The following NME7 variants were observed in gnomAD, a reference collection of about 807,000 sequenced individuals.
NME7 encodes NME/NM23 family member 7.
NME7 carries 41 observed loss-of-function variants against 49.1 expected under a neutral mutation model. That is an observed-to-expected ratio of 0.83 (90% CI 0.65 to 1.08). The LOEUF is 1.08. Ranked by LOEUF, NME7 falls within the 50% of genes least tolerant of loss-of-function variation. The pLI, the probability that NME7 is intolerant of heterozygous loss-of-function variation, is 0.00. For synonymous variants in NME7, 139 were observed against 150.6 expected (o/e 0.92, Z 0.56); for missense variants, 423 against 463.4 (o/e 0.91, Z 0.80).
intron 10 of NME7, among the ~76,000 whole-genome samples, chr1:169,182,375 C>A (rs1318368839): frequency 3.9e-5 from 6 of 152,146 alleles, no homozygotes; most frequent in Admixed American, 3.3e-4. Flanking sequence ...CCTCCCAAAA[C>A]TCCCCCTCTT....
chr1:169,358,940 A>G (rs1271770074), intron 1 of NME7, among the ~76,000 whole-genome samples: 1 of 152,112 alleles, frequency 6.6e-6, no homozygotes, highest in Non-Finnish European at 1.5e-5. Context: ...ATAATTATGG[A>G]TGTCTATAAA....
chr1:169,354,956 G>T (rs1261737302), intron 1 of NME7, among the ~76,000 whole-genome samples: 4 of 41,724 alleles, frequency 9.6e-5, no homozygotes, highest in Non-Finnish European at 1.7e-4. Context: ...TATTATATAT[G>T]TTTATATATA....
At chr1:169,298,815 T>C (rs1479485042) in intron 5 of NME7, 52 bp from the exon 6 acceptor site, 4 of 1,432,690 alleles carry the variant, frequency 2.8e-6, no homozygotes, top group Non-Finnish European at 3.9e-6. Context: ...CAACTAGGTA[T>C]TTGTCTTAAC....
At position 169,323,185 on chromosome 1, in the gene NME7, A is replaced by G; in HGVS notation, c.210T>C (p.Ser70=). Residue 70 remains serine (S), a synonymous_variant, in exon 3 of 12, where the codon TCT becomes TCC. Transcript: ENST00000367811. ...CATAGTCAATTAATACCAGTTGTCG[A>G]GAAAAGACATTCACTTTGTTGCCTA... The part of the protein sequence containing the change: ...LFIGNKVNVF[S]RQLVLIDYGD... 6.2e-7 allele frequency: 1 copy of G among 1,608,766 alleles called. No individual in the cohort carries two copies. Among genetic ancestry groups the G allele is most frequent in the East Asian group, 2.2e-5 (1 of 44,548 alleles).
At chr1:169,153,533 C>G (rs1658968075) in intron 11 of NME7, among the ~76,000 whole-genome samples, 1 of 152,140 alleles carries the variant, frequency 6.6e-6, no homozygotes. Context: ...ATGAAATTTT[C>G]CTGACCCCCT....
chr1:169,262,019 A>G (rs558904040), intron 7 of NME7, among the ~76,000 whole-genome samples: 1 of 134,158 alleles, frequency 7.5e-6, no homozygotes, highest in African/African-American at 2.5e-5. Context: ...CCAGTGAACC[A>G]TAATTCCTGG....
At chr1:169,164,518 A>G (rs1659347626) in intron 11 of NME7, among the ~76,000 whole-genome samples, 1 of 152,194 alleles carries the variant, frequency 6.6e-6, no homozygotes, top group African/African-American at 2.4e-5. Flanking sequence ...AGAGTGAGGA[A>G]ACCTACGCAT....
intron 10 of NME7, among the ~76,000 whole-genome samples, chr1:169,209,977 G>A (rs1660767522): frequency 6.6e-6 from 1 of 152,028 alleles, no homozygotes; most frequent in Admixed American, 6.6e-5. Flanking sequence ...TCTTCTAAAA[G>A]ACTTGGCATA....
chr1:169,250,854 G>C (rs903285351), intron 7 of NME7, among the ~76,000 whole-genome samples: 1 of 151,872 alleles, frequency 6.6e-6, no homozygotes, highest in African/African-American at 2.4e-5. Context: ...ATAACATTTC[G>C]ATTTTTAAAA....
intron 1 of NME7, among the ~76,000 whole-genome samples, chr1:169,356,797 T>A (rs1000098597): frequency 6.6e-6 from 1 of 152,150 alleles, no homozygotes; most frequent in Non-Finnish European, 1.5e-5. Context: ...CCAAATGCGT[T>A]CCAGTAACTT....
intron 1 of NME7, among the ~76,000 whole-genome samples, chr1:169,363,075 G>GAAA (rs35940727): frequency 7.1e-6 from 1 of 141,788 alleles, no homozygotes. Flanking sequence ...CCCTGTCTCT[G>GAAA]AAAAAAAAAA....
At chr1:169,299,671 C>A (rs879719814) in intron 5 of NME7, among the ~76,000 whole-genome samples, 10 of 152,098 alleles carry the variant, frequency 6.6e-5, no homozygotes, top group South Asian at 4.1e-4. Context: ...TTCCACCCTG[C>A]ATGTTATATG....
At chr1:169,282,912 TG>T (rs1277400632) in intron 7 of NME7, among the ~76,000 whole-genome samples, 5 of 152,194 alleles carry the variant, frequency 3.3e-5, no homozygotes, top group Non-Finnish European at 7.4e-5. Flanking sequence ...CTGAGAAGAA[TG>T]TATATTCTGT....
intron 10 of NME7, among the ~76,000 whole-genome samples, chr1:169,187,018 C>G (rs2101756638): frequency 6.6e-6 from 1 of 152,172 alleles, no homozygotes; most frequent in East Asian, 1.9e-4. Flanking sequence ...TTGTTATTTA[C>G]CCAGTAGTCA....
At chr1:169,183,032 G>A (rs1659969952) in intron 10 of NME7, among the ~76,000 whole-genome samples, 2 of 152,206 alleles carry the variant, frequency 1.3e-5, no homozygotes, top group South Asian at 4.1e-4. Context: ...GCCTGAGAAT[G>A]GAAATGAGAA....
intron 6 of NME7, among the ~76,000 whole-genome samples, chr1:169,295,338 T>C (rs943481924): frequency 1.3e-5 from 2 of 152,082 alleles, no homozygotes; most frequent in Non-Finnish European, 2.9e-5. Flanking sequence ...AATAATCTAG[T>C]AGAAATAAAA....
At chr1:169,283,181 T>C (rs966824855) in intron 7 of NME7, among the ~76,000 whole-genome samples, 1 of 152,148 alleles carries the variant, frequency 6.6e-6, no homozygotes, top group African/African-American at 2.4e-5. Context: ...TGTGCATTGT[T>C]CCCTTTACCA....
chr1:169,275,458 G>A (rs1426926623), intron 7 of NME7, among the ~76,000 whole-genome samples: 1 of 90,484 alleles, frequency 1.1e-5, no homozygotes, highest in African/African-American at 3.8e-5. Context: ...CAGCCTGGGC[G>A]ACAGAGCGAA....
At position 169,303,145 on chromosome 1, in the gene NME7, T is replaced by G. The variant is rs781049298; in HGVS notation, c.440A>C (p.Asn147Thr). Residue 147 changes from asparagine (N) to threonine (T), a missense_variant and splice_region_variant, in exon 5 of 12, where the codon AAT becomes ACT. By Grantham distance (65) the Asn-to-Thr change is moderately conservative. Transcript: ENST00000367811. ...ACTAATCCCCAAATTAAGGACCTAC[T>G]TGAAAAAGGGTCTTGACTGGTGATC... is the stretch of plus-strand genomic sequence containing the variant. ...HVDHQSRPFF[N>T]ELIQFITTGP... 1.3e-6 allele frequency: 2 copies of G among 1,568,086 alleles called. No individual in the cohort carries two copies. Among genetic ancestry groups the G allele is most frequent in the Admixed American group, 3.6e-5 (2 of 55,672 alleles).
Sources: gnomAD v4.1 joint callset for allele counts (sites outside exome capture counted in the v4.1 genomes callset) on GRCh38, gnomAD v4.1.1 for gene constraint, MANE v1.5 for transcripts, NCBI Gene and HGNC (gene_info 2026-07-23, HGNC 2026-07-21) for gene names.